QRFPR: variants seen among roughly 807,000 people sequenced by gnomAD.
QRFPR encodes the protein pyroglutamylated RFamide peptide receptor.
A neutral mutation model predicts 31.3 loss-of-function variants in QRFPR; 37 were observed. The ratio of observed to expected loss-of-function variants is 1.18; its 90% CI spans 0.91 to 1.56. The LOEUF (loss-of-function observed/expected upper bound fraction) is 1.56, where lower values mean the gene tolerates loss of function less well. Among genes scored for constraint, QRFPR ranks in the 40% most tolerant of loss-of-function variants. QRFPR has a pLI of 0.00. For synonymous variants in QRFPR, 197 were observed against 192.0 expected (o/e 1.03, Z -0.22); for missense variants, 542 against 532.5 (o/e 1.02, Z -0.18).
intron 1 of QRFPR, 56 bp from the exon 2 acceptor site, chr4:121,340,666 A>G: frequency 6.5e-7 from 1 of 1,529,248 alleles, no homozygotes; most frequent in Non-Finnish European, 8.9e-7. Flanking sequence ...TAAAGGTTTC[A>G]TCTGTGTCTT....
chr4:121,345,487 T>A (rs1223001431), intron 1 of QRFPR, among the ~76,000 whole-genome samples: 3 of 152,210 alleles, frequency 2.0e-5, no homozygotes, highest in African/African-American at 7.2e-5. Context: ...CTCTGGAAGG[T>A]AGGTTTTTTA....
chr4:121,365,571 AT>A (rs1726099108), intron 1 of QRFPR, among the ~76,000 whole-genome samples: 4 of 2,702 alleles, frequency 1.5e-3, no homozygotes, highest in African/African-American at 7.2e-3. Context: ...TATATTATAT[AT>A]AATATATATT....
chr4:121,338,312 C>T (rs572662054), intron 2 of QRFPR, among the ~76,000 whole-genome samples: 3 of 152,108 alleles, frequency 2.0e-5, no homozygotes, highest in Non-Finnish European at 4.4e-5. Flanking sequence ...CATTGACTAC[C>T]TTCCTGGATC....
At chr4:121,365,534 A>AAAATATAAAAT (rs1726086258) in intron 1 of QRFPR, among the ~76,000 whole-genome samples, 1 of 5,440 alleles carries the variant, frequency 1.8e-4, no homozygotes, top group Non-Finnish European at 2.8e-4. Context: ...TATTATATAT[A>AAAATATAAAAT]ATATATATTA....
At chr4:121,359,883 T>A (rs75374556) in intron 1 of QRFPR, among the ~76,000 whole-genome samples, 2,865 of 151,986 alleles carry the variant, frequency 0.019, 43 homozygotes, top group South Asian at 0.043. Flanking sequence ...CGGCTTATTA[T>A]CACCATTTTC....
intron 1 of QRFPR, among the ~76,000 whole-genome samples, chr4:121,345,884 G>T (rs1185845024): frequency 6.6e-6 from 1 of 152,128 alleles, no homozygotes; most frequent in African/African-American, 2.4e-5. Context: ...AACAGTTTGG[G>T]CAGTGTTCGT....
intron 1 of QRFPR, among the ~76,000 whole-genome samples, chr4:121,353,755 G>A (rs1210718710): frequency 1.3e-5 from 2 of 152,124 alleles, no homozygotes; most frequent in East Asian, 3.9e-4. Flanking sequence ...GGTTGCCTGT[G>A]CTTTTGAGGT....
At chr4:121,343,568 A>T (rs1725584947) in intron 1 of QRFPR, among the ~76,000 whole-genome samples, 1 of 152,232 alleles carries the variant, frequency 6.6e-6, no homozygotes, top group South Asian at 2.1e-4. Flanking sequence ...ACTGTGAATA[A>T]ATCAGTTTAC....
At chr4:121,338,992 A>G (rs771391895) in intron 2 of QRFPR, among the ~76,000 whole-genome samples, 5 of 152,208 alleles carry the variant, frequency 3.3e-5, no homozygotes, top group Non-Finnish European at 5.9e-5. Context: ...AAAGCCCAGA[A>G]ATCTCTGAAT....
chr4:121,330,681 A>G (rs1471120039), intron 4 of QRFPR, among the ~76,000 whole-genome samples, 158 bp from the exon 5 acceptor site: 2 of 152,202 alleles, frequency 1.3e-5, no homozygotes, highest in Non-Finnish European at 2.9e-5. Flanking sequence ...ATCTTTTCCT[A>G]TTGATATTAC....
Position 121,340,537 on chromosome 4 carries a change from G to A in QRFPR, c.414C>T (p.Cys138=). 2 of 1,614,048 alleles carry A rather than the reference G, an allele frequency of 1.2e-6. No homozygotes were observed. Among genetic ancestry groups the A allele is most frequent in the Non-Finnish European group, 1.7e-6 (2 of 1,179,940 alleles). The stretch of plus-strand genomic sequence containing the variant: ...GTCCCTGGTGCCTTTCCACAGCAAT[G>A]CAGGTCATAGTGAGGATTTCTGTCA... The part of the protein sequence containing the change: ...AVVTEILTMT[C]IAVERHQGLV... Residue 138 remains cysteine, a synonymous_variant, in exon 2 of 6, where the codon TGC becomes TGT. Transcript: ENST00000394427.
chr4:121,329,787 G>T, intron 5 of QRFPR, 73 bp from the exon 6 acceptor site: 1 of 1,074,920 alleles, frequency 9.3e-7, no homozygotes, highest in Non-Finnish European at 1.3e-6. Context: ...TTTGTCACCT[G>T]TCAAAGACTT....
chr4:121,365,596 A>AT (rs1290291455), intron 1 of QRFPR, among the ~76,000 whole-genome samples: 10 of 3,950 alleles, frequency 2.5e-3, no homozygotes, highest in Admixed American at 4.6e-3. Flanking sequence ...TATATTATAT[A>AT]TATATAATAT....
chr4:121,376,871 T>G (rs56733280), intron 1 of QRFPR, among the ~76,000 whole-genome samples: 2,612 of 152,206 alleles, frequency 0.017, 67 homozygotes, highest in East Asian at 0.11. Flanking sequence ...TGAGCTGACT[T>G]CTCTAGTGCT....
intron 1 of QRFPR, among the ~76,000 whole-genome samples, chr4:121,352,069 G>A (rs921214805): frequency 2.6e-5 from 4 of 151,994 alleles, no homozygotes; most frequent in African/African-American, 9.7e-5. Context: ...TTAATGCACT[G>A]ATGTGATCAT....
chr4:121,345,726 A>T (rs1284031350), intron 1 of QRFPR, among the ~76,000 whole-genome samples: 1 of 152,184 alleles, frequency 6.6e-6, no homozygotes, highest in Non-Finnish European at 1.5e-5. Context: ...TCATTTATAC[A>T]ACTCTATTGC....
At chr4:121,368,685 C>G (rs1726172424) in intron 1 of QRFPR, among the ~76,000 whole-genome samples, 2 of 146,784 alleles carry the variant, frequency 1.4e-5, no homozygotes, top group Non-Finnish European at 1.5e-5. Context: ...GAGCACAGCA[C>G]CAGCCATCAA....
chr4:121,331,840 A>G (rs1035926939), intron 4 of QRFPR, among the ~76,000 whole-genome samples: 1 of 151,944 alleles, frequency 6.6e-6, no homozygotes, highest in African/African-American at 2.4e-5. Context: ...TTTAGTAGAG[A>G]CAGAGTTTCA....
At chr4:121,351,375 G>A (rs1438105009) in intron 1 of QRFPR, among the ~76,000 whole-genome samples, 4 of 152,052 alleles carry the variant, frequency 2.6e-5, no homozygotes, top group East Asian at 1.9e-4. Context: ...GTGTATATTC[G>A]CAGCAAAAAC....
Sources: gnomAD v4.1 joint callset for allele counts (sites outside exome capture counted in the v4.1 genomes callset) on GRCh38, gnomAD v4.1.1 for gene constraint, MANE v1.5 for transcripts, NCBI Gene and HGNC (gene_info 2026-07-23, HGNC 2026-07-21) for gene names.